Variants in PKD1 observed in about 807,000 individuals in gnomAD.
PKD1 encodes the protein polycystin 1, transient receptor potential channel interacting, also known as polycystin-1.
PKD1 carries 81 observed loss-of-function variants against 361.7 expected under a neutral mutation model. The ratio of observed to expected loss-of-function variants is 0.22; its 90% confidence interval spans 0.19 to 0.27. PKD1 has a LOEUF of 0.27. Ranked by LOEUF, PKD1 falls within the 10% of genes least tolerant of loss-of-function variation. The pLI, the probability that PKD1 is intolerant of heterozygous loss-of-function variation, is 1.00. For missense variants in PKD1, 6,399 were observed against 6,118.3 expected (o/e 1.05, Z -1.53); for synonymous variants, 3,615 against 2,818.3 (o/e 1.28, Z -8.95).
rs1249201759 is a variant in PKD1 at position 2,118,143 on chromosome 16, A to T, written c.849T>A (p.Pro283=). 1 of 1,592,558 alleles carries T rather than the reference A, an allele frequency of 6.3e-7. No homozygotes were observed. The highest frequency in any genetic ancestry group is 8.5e-7 in the Non-Finnish European group (1 of 1,171,770). Residue 283 remains proline, a synonymous_variant, in exon 5 of 46, where the codon CCT becomes CCA. Coordinates refer to ENST00000262304, the MANE Select transcript of PKD1 (RefSeq NM_001009944.3). This position sits in a 1 kb window ranked among gnomAD's most constrained non-coding sequence, Gnocchi z 6.0. ...PGATLVGPHG[P]LASGQLAAFH... is the part of the protein sequence containing the mutation. ...AGGCTGCTAGCTGGCCAGAGGCCAG[A>T]GGTCCGTGGGGCCCCACCAGGGTGG...
chr16:2,122,823 G>C (rs533172196), intron 1 of PKD1, among the ~76,000 whole-genome samples: 62 of 152,300 alleles, frequency 4.1e-4, no homozygotes, highest in Non-Finnish European at 6.9e-4. Flanking sequence ...AACACAGGCA[G>C]GCCCCCTGGA....
Position 2,097,748 on chromosome 16 carries a change from C to T in PKD1, c.10200G>A (p.Leu3400=), listed in dbSNP as rs2091905420. ...QAFVGQMKSD[L]FLDDSKSLVC... ...CCCACCTCTTAGAATCATCCAGAAA[C>T]AAGTCACTCTTCATCTGTCCAACAA... The change falls in exon 32 of 46, where the codon TTG becomes TTA. Residue 3400 remains leucine, a synonymous_variant. Transcript: ENST00000262304. The T allele has an allele frequency of 6.2e-7, 1 of 1,611,286 alleles. No individual in the cohort carries two copies. Among genetic ancestry groups the T allele is most frequent in the East Asian group, 2.2e-5 (1 of 44,882 alleles).
chr16:2,118,099 A>G lies in PKD1; in HGVS notation c.893T>C (p.Leu298Pro), dbSNP rs2092669303. The G allele has an allele frequency of 1.2e-6, 2 of 1,606,322 alleles. No individual in the cohort carries two copies. Among genetic ancestry groups the G allele is most frequent in the Non-Finnish European group, 1.7e-6 (2 of 1,178,558 alleles). ...QLAAFHIAAP[L>P]PVTATRWDFG... ...GTCCCAGCGTGTGGCAGTGACAGGG[A>G]GCGGGGCAGCGATGTGGAAGGCTGC... The change falls in exon 5 of 46, where the codon CTC becomes CCC. Residue 298 changes from leucine (L) to proline (P), a missense_variant. By Grantham distance (98) the Leu-to-Pro change is moderately conservative (BLOSUM62 -3). Coordinates refer to ENST00000262304, the MANE Select transcript of PKD1 (RefSeq NM_001009944.3). The surrounding 1 kb of genome is among the most constrained non-coding windows in gnomAD (Gnocchi z 6.0).
intron 26 of PKD1, chr16:2,101,849 G>A: frequency 3.2e-6 from 2 of 618,284 alleles, no homozygotes; most frequent in South Asian, 1.9e-5. Flanking sequence ...CACCCTGACT[G>A]ACTGGCACCT....
Position 2,090,554 on chromosome 16 carries a change from C to T in PKD1, c.12175G>A (p.Ala4059Thr), listed in dbSNP as rs746124855. The change falls in exon 45 of 46, where the codon GCC (alanine) becomes ACC (threonine). Residue 4059 changes from alanine (A) to threonine (T), a missense_variant. Ala to Thr is a moderately conservative substitution (Grantham distance 58). Coordinates refer to ENST00000262304, the MANE Select transcript of PKD1 (RefSeq NM_001009944.3). ...GGGCACAGCACCAACAGGGCCTGGGCCACGCTCCAGAGGGAGTCCACACAG... is the reference window on the plus strand; with the variant it reads ...GGGCACAGCACCAACAGGGCCTGGGTCACGCTCCAGAGGGAGTCCACACAG... ...SSCVDSLWSV[A>T]QALLVLCPGT... 1.2e-6 allele frequency: 2 copies of T among 1,609,208 alleles called. No individual in the cohort carries two copies. The highest frequency in any genetic ancestry group is 1.3e-5 in the African/African-American group (1 of 74,882).
At position 2,092,544 on chromosome 16, in the gene PKD1, G is replaced by C. The variant is rs766223963; in HGVS notation, c.11205C>G (p.Val3735=). Residue 3735 remains valine (V), a synonymous_variant, in exon 39 of 46, where the codon GTC becomes GTG. Transcript: ENST00000262304. ...PWMAHVLLPY[V]HGNQSSPELG... ...GCTCTGGGCTGGACTGGTTCCCGTGGACGTAGGGCAGCAGCACGTGGGCCA... is the reference window on the plus strand; with the variant it reads ...GCTCTGGGCTGGACTGGTTCCCGTGCACGTAGGGCAGCAGCACGTGGGCCA... 7 of 1,612,674 alleles carry C rather than the reference G, an allele frequency of 4.3e-6. No individual in the cohort carries two copies. The highest frequency in any genetic ancestry group is 1.3e-5 in the African/African-American group (1 of 75,042).
At chr16:2,108,062 C>A (rs1174089064) in intron 15 of PKD1, 30 bp from the exon 16 acceptor site, 1 of 1,583,890 alleles carries the variant, frequency 6.3e-7, no homozygotes, top group South Asian at 1.1e-5. Context: ...GGCGACGTGG[C>A]CTGAGAGCCC....
chr16:2,105,944 A>G lies in PKD1; in HGVS notation c.7784T>C (p.Val2595Ala). ...TVWLHGLTAS[V>A]LPGLLRQADP... ...GGCCTGCCGCAGCAGCCCTGGGAGC[A>G]CACTAGCGGTGAGCCCGTGCAGCCA... The change falls in exon 20 of 46, where the codon GTG (valine) becomes GCG (alanine). Residue 2595 changes from valine to alanine, a missense_variant. By Grantham distance (64) the Val-to-Ala change is moderately conservative. Coordinates refer to ENST00000262304, the MANE Select transcript of PKD1 (RefSeq NM_001009944.3). 1 of 1,598,712 alleles carries G rather than the reference A, an allele frequency of 6.3e-7. No individual in the cohort carries two copies. Among genetic ancestry groups the G allele is most frequent in the South Asian group, 1.1e-5 (1 of 90,986 alleles).
chr16:2,091,417 G>A lies in PKD1; in HGVS notation c.11712+6C>T, dbSNP rs528628882. ...AGGCGCGGGGTCTGGCCGGGGACGG[G>A]CGTACCGAGGTGAGCAGAGGCAGCG... On this transcript the variant is annotated splice_donor_region_variant and intron_variant, in intron 42 of 45. Transcript: ENST00000262304. The A allele has an allele frequency of 1.7e-6, 2 of 1,152,302 alleles. No individual in the cohort carries two copies. Among genetic ancestry groups the A allele is most frequent in the Admixed American group, 5.0e-5 (1 of 20,014 alleles). 71.4% of individuals were successfully genotyped at this position (1,152,302 alleles called of 1,614,324 possible). A position where few individuals can be genotyped will look rare whatever the true frequency, so the allele number is the denominator to read the frequency against.
In PKD1 at chr16:2,102,432, G is replaced by A; in HGVS notation, c.9150C>T (p.Ala3050=). ...GGGGCACGAAGAGGCTGGCGCCGAA[G>A]GCGGTGAGGTGGCGGGTGAGGCAGA... ...QAVCLTRHLT[A]FGASLFVPPS... is the part of the protein sequence containing the mutation. Residue 3050 remains alanine (A), a synonymous_variant, in exon 25 of 46, where the codon GCC becomes GCT. Transcript: ENST00000262304. 2.6e-6 allele frequency: 4 copies of A among 1,551,934 alleles called. No individual in the cohort carries two copies. Among genetic ancestry groups the A allele is most frequent in the South Asian group, 2.4e-5 (2 of 84,508 alleles).
chr16:2,128,816 T>G (rs1226326768), intron 1 of PKD1, among the ~76,000 whole-genome samples: 1 of 151,960 alleles, frequency 6.6e-6, no homozygotes, highest in African/African-American at 2.4e-5. Context: ...GCGATTCTCC[T>G]GCCTCAGCCC....
In PKD1 at chr16:2,110,277, C is replaced by T. The variant is rs1404287444; in HGVS notation, c.4890G>A (p.Gln1630=). Residue 1630 remains glutamine (Q), a synonymous_variant, in exon 15 of 46, where the codon CAG becomes CAA. Coordinates refer to ENST00000262304, the MANE Select transcript of PKD1 (RefSeq NM_001009944.3). The stretch of plus-strand genomic sequence containing the variant: ...CCACCACCTGCAGCCCCTCTATGAG[C>T]TGCAGGACATAGACGAAGATGCTGT... ...AQDSIFVYVL[Q]LIEGLQVVGG... is the part of the protein sequence containing the mutation. The T allele has an allele frequency of 1.2e-6, 2 of 1,612,630 alleles. No individual in the cohort carries two copies. Among genetic ancestry groups the T allele is most frequent in the Admixed American group, 1.7e-5 (1 of 60,014 alleles).
rs904608279 is a variant in PKD1 at position 2,089,788 on chromosome 16, G to A, written c.12851C>T (p.Ala4284Val). Residue 4284 changes from alanine to valine, a missense_variant, in exon 46 of 46, where the codon GCC becomes GTC. Coordinates refer to ENST00000262304, the MANE Select transcript of PKD1 (RefSeq NM_001009944.3). Reference sequence around the variant, plus strand: ...AAGGGGTGTCCTGCTGGGGCCAGTGGCCAGGTCCACACCCCGACTGGCCCG... The same window carrying A: ...AAGGGGTGTCCTGCTGGGGCCAGTGACCAGGTCCACACCCCGACTGGCCCG... ...LARASRGVDL[A>V]TGPSRTPLRA... is the part of the protein sequence containing the mutation. 15 of 1,597,738 alleles carry A rather than the reference G, an allele frequency of 9.4e-6. No homozygotes were observed. Among genetic ancestry groups the A allele is most frequent in the Non-Finnish European group, 1.3e-5 (15 of 1,173,320 alleles).
In PKD1 at chr16:2,111,199, T is replaced by C. The variant is rs372687490; in HGVS notation, c.3968A>G (p.His1323Arg). 17 of 1,610,636 alleles carry C rather than the reference T, an allele frequency of 1.1e-5. No homozygotes were observed. In the African/African-American group the frequency reaches 1.1e-4, roughly 10 times the overall value. Residue 1323 changes from histidine to arginine, a missense_variant, in exon 15 of 46, where the codon CAC (histidine) becomes CGC (arginine). His to Arg is a conservative substitution (Grantham distance 29). Transcript: ENST00000262304. ...CCCGAAGGTCCAGTCGAAGAGGTAG[T>C]GGGCCGGGTTCCCGGTGACGTAGGC... is the stretch of plus-strand genomic sequence containing the variant. ...LTAYVTGNPA[H>R]YLFDWTFGDG... is the part of the protein sequence containing the mutation.
chr16:2,110,937 G>A lies in PKD1; in HGVS notation c.4230C>T (p.Tyr1410=). ...CGGTGCCAAAGTCCCAGGTGTAGCG[G>A]TAGGGGAACGGGGGCCAGGCACATG... ...LVACAWPPFP[Y]RYTWDFGTEE... is the part of the protein sequence containing the mutation. The change falls in exon 15 of 46, where the codon TAC becomes TAT. Residue 1410 remains tyrosine, a synonymous_variant. Transcript: ENST00000262304. 1 of 1,611,034 alleles carries A rather than the reference G, an allele frequency of 6.2e-7. No individual in the cohort carries two copies. Among genetic ancestry groups the A allele is most frequent in the Non-Finnish European group, 8.5e-7 (1 of 1,179,824 alleles).
At chr16:2,094,777 G>T (rs569397076) in intron 34 of PKD1, 1 of 159,304 alleles carries the variant, frequency 6.3e-6, no homozygotes, top group African/African-American at 2.4e-5. Flanking sequence ...TGATATGCCC[G>T]GTCCCAGAGC....
chr16:2,112,702 C>T (rs2092547554), intron 13 of PKD1, 86 bp downstream of exon 13: 1 of 1,431,810 alleles, frequency 7.0e-7, no homozygotes, highest in Non-Finnish European at 9.6e-7. Flanking sequence ...AGAAAAGCAA[C>T]CCCGTGATGT....
intron 21 of PKD1, 99 bp downstream of exon 21, chr16:2,105,223 G>T: frequency 1.7e-6 from 2 of 1,182,402 alleles, no homozygotes; most frequent in East Asian, 2.5e-5. Flanking sequence ...CCAGGCTGGA[G>T]GCTCAGCTCC....
At chr16:2,126,194 C>T (rs1275207667) in intron 1 of PKD1, among the ~76,000 whole-genome samples, 2 of 152,232 alleles carry the variant, frequency 1.3e-5, no homozygotes, top group East Asian at 3.9e-4. Context: ...GGGCTCAGAA[C>T]CCGGAGCCCC....
Sources: allele counts gnomAD v4.1 joint callset (sites outside exome capture counted in the v4.1 genomes callset), GRCh38; gene constraint gnomAD v4.1.1; non-coding constraint Gnocchi (gnomAD v3.1); transcripts MANE v1.5; gene names NCBI Gene and HGNC (gene_info 2026-07-23, HGNC 2026-07-21).